The following BANK1 variants were observed in gnomAD, a reference collection of about 807,000 sequenced individuals.
BANK1 encodes the protein B-cell scaffold protein with ankyrin repeats.
BANK1 carries 95 observed loss-of-function variants against 94.5 expected under a neutral mutation model. The observed-to-expected ratio is 1.00, with a 90% CI of 0.85 to 1.19. BANK1 has a LOEUF of 1.19. Ranked by LOEUF, BANK1 falls within the 50% of genes most tolerant of loss-of-function variation. BANK1 has a pLI of 0.00. For missense variants in BANK1, 987 were observed against 932.2 expected (o/e 1.06, Z -0.77); for synonymous variants, 334 against 308.4 (o/e 1.08, Z -0.87).
At chr4:101,931,924 T>A (rs1723362067) in intron 7 of BANK1, among the ~76,000 whole-genome samples, 1 of 151,380 alleles carries the variant, frequency 6.6e-6, no homozygotes, top group African/African-American at 2.4e-5. Context: ...TAAAAATCCA[T>A]AACAATTCAG....
intron 4 of BANK1, among the ~76,000 whole-genome samples, chr4:101,866,631 G>GTGGAGTAAAATATTTTAAGTATTGT (rs1728077020): frequency 1.3e-4 from 8 of 60,258 alleles, no homozygotes; most frequent in African/African-American, 6.8e-4. Flanking sequence ...AATGAGTATA[G>GTGGAGTAAAATATTTTAAGTATTGT]GAATACCATT....
At chr4:101,792,467 GT>G (rs1725026623) in intron 1 of BANK1, among the ~76,000 whole-genome samples, 1 of 94,326 alleles carries the variant, frequency 1.1e-5, no homozygotes, top group Non-Finnish European at 2.2e-5. Context: ...GTGTGTGTGT[GT>G]GTTTTTTTTT....
intron 7 of BANK1, among the ~76,000 whole-genome samples, chr4:101,961,367 T>G (rs1487247056): frequency 2.0e-5 from 3 of 152,188 alleles, no homozygotes; most frequent in African/African-American, 7.2e-5. Flanking sequence ...AGTTGCATCC[T>G]TATTAGCTTA....
chr4:101,975,831 A>G (rs1283118197), intron 7 of BANK1, among the ~76,000 whole-genome samples: 1 of 152,168 alleles, frequency 6.6e-6, no homozygotes, highest in Non-Finnish European at 1.5e-5. Context: ...GAATAAATAA[A>G]TGAATATTCA....
At chr4:101,857,006 A>G (rs548813959) in intron 3 of BANK1, among the ~76,000 whole-genome samples, 8 of 152,248 alleles carry the variant, frequency 5.3e-5, no homozygotes, top group Middle Eastern at 3.4e-3. Context: ...ATTGCCAACC[A>G]CCAGAGAAAA....
intron 6 of BANK1, among the ~76,000 whole-genome samples, chr4:101,909,117 T>C (rs556054882): frequency 1.3e-5 from 2 of 151,752 alleles, no homozygotes; most frequent in East Asian, 1.9e-4. Context: ...CGTATGCTTA[T>C]TGCAGCAAAG....
chr4:101,871,735 T>C lies in BANK1; in HGVS notation c.903+1091T>C, dbSNP rs556832752. On this transcript the variant is annotated intron_variant, in intron 5 of 16. Coordinates refer to ENST00000322953, the MANE Select transcript of BANK1 (RefSeq NM_017935.5). ...TTCTTGTGACAAGTCCACCTTATCC[T>C]CTACTTAAAAATTATATTCATAACA... Among the ~76,000 whole-genome samples, 4 of 152,288 alleles carry C rather than the reference T, an allele frequency of 2.6e-5. No homozygotes were observed. In the South Asian group the frequency reaches 8.3e-4, roughly 32 times the overall value.
At position 102,021,630 on chromosome 4, in the gene BANK1, C is replaced by CAT. The variant is rs1351178290; in HGVS notation, c.1285+47_1285+48dup. On this transcript the variant is annotated intron_variant, in intron 8 of 16. Transcript: ENST00000322953. ...ATGTTATATATATATATGACATATT[C>CAT]ATATATATATCACATATATATGTGA... is the stretch of plus-strand genomic sequence containing the variant. 9.6e-6 allele frequency: 8 copies of CAT among 835,174 alleles called. No individual in the cohort carries two copies. The Admixed American group carries it at 9.9e-5, about 10-fold the overall frequency. 51.7% of individuals were successfully genotyped at this position (835,174 alleles called of 1,614,324 possible).
At chr4:102,064,984 A>G (rs1728543979) in intron 13 of BANK1, among the ~76,000 whole-genome samples, 1 of 152,216 alleles carries the variant, frequency 6.6e-6, no homozygotes, top group Non-Finnish European at 1.5e-5. Context: ...GAAGGATTCC[A>G]CAAGTCTGTG....
intron 6 of BANK1, among the ~76,000 whole-genome samples, chr4:101,907,285 C>T (rs1041905811): frequency 6.6e-6 from 1 of 152,196 alleles, no homozygotes; most frequent in Admixed American, 6.5e-5. Context: ...AGCATATAAA[C>T]AGAACCAAAG....
intron 6 of BANK1, among the ~76,000 whole-genome samples, chr4:101,899,505 T>C (rs543144838): frequency 1.3e-5 from 2 of 152,248 alleles, no homozygotes; most frequent in South Asian, 2.1e-4. Flanking sequence ...TAATACAAAA[T>C]AAAACAGCCA....
intron 1 of BANK1, among the ~76,000 whole-genome samples, chr4:101,811,758 C>A (rs770655501): frequency 2.8e-4 from 42 of 152,170 alleles, no homozygotes; most frequent in Non-Finnish European, 5.2e-4. Context: ...GATTTATTGA[C>A]ACTTTCCTTC....
At chr4:101,908,776 A>C (rs568821175) in intron 6 of BANK1, among the ~76,000 whole-genome samples, 5 of 152,178 alleles carry the variant, frequency 3.3e-5, no homozygotes, top group Non-Finnish European at 4.4e-5. Flanking sequence ...CAAAAGAAGA[A>C]ATTTATGCAG....
chr4:102,013,151 T>C (rs937421941), intron 7 of BANK1, among the ~76,000 whole-genome samples: 2 of 152,132 alleles, frequency 1.3e-5, no homozygotes, highest in African/African-American at 2.4e-5. Context: ...CCCGTTGTTA[T>C]AGGGATAGAA....
rs1725392768 is a variant in BANK1 at position 101,983,713 on chromosome 4, G to A, written c.1207-37801G>A. On this transcript the variant is annotated intron_variant, in intron 7 of 16. Coordinates refer to ENST00000322953, the MANE Select transcript of BANK1 (RefSeq NM_017935.5). ...TCCTATCACAAAGGATTTTTTGGAAGAAGGGAGAAAAGATGTTCCAGATAT... is the reference window on the plus strand; with the variant it reads ...TCCTATCACAAAGGATTTTTTGGAAAAAGGGAGAAAAGATGTTCCAGATAT... Among the ~76,000 whole-genome samples the A allele has an allele frequency of 3.9e-5, 6 of 152,140 alleles. No individual in the cohort carries two copies. The South Asian group carries it at 1.2e-3, about 32-fold the overall frequency.
At position 101,960,859 on chromosome 4, in the gene BANK1, A is replaced by G. The variant is rs147865947; in HGVS notation, c.1206+42670A>G. Among the ~76,000 whole-genome samples, 16 of 152,320 alleles carry G rather than the reference A, an allele frequency of 1.1e-4. No individual in the cohort carries two copies. In the East Asian group the frequency reaches 2.9e-3, roughly 28 times the overall value. Reference sequence around the variant, plus strand: ...CAGGATTTTTAGCTCCGCCTCTTCTACTAACAAGTTCTCTGATTCTAGGTA... The same window carrying G: ...CAGGATTTTTAGCTCCGCCTCTTCTGCTAACAAGTTCTCTGATTCTAGGTA... On this transcript the variant is annotated intron_variant, in intron 7 of 16. Transcript: ENST00000322953.
At chr4:102,045,670 C>T (rs1727854721) in intron 11 of BANK1, among the ~76,000 whole-genome samples, 1 of 151,870 alleles carries the variant, frequency 6.6e-6, no homozygotes, top group Admixed American at 6.6e-5. Flanking sequence ...AGAGCCAAAT[C>T]ATGAGTGAAC....
intron 6 of BANK1, among the ~76,000 whole-genome samples, chr4:101,917,480 T>C (rs1452500560): frequency 6.6e-6 from 1 of 151,962 alleles, no homozygotes. Flanking sequence ...ATGAAAGCAC[T>C]CACCTGTATT....
intron 1 of BANK1, among the ~76,000 whole-genome samples, chr4:101,820,844 G>C (rs929484217): frequency 1.3e-5 from 2 of 152,166 alleles, no homozygotes; most frequent in Non-Finnish European, 2.9e-5. Flanking sequence ...TGGTGTGTAT[G>C]TACCACATTC....
Sources: gnomAD v4.1 joint callset for allele counts (sites outside exome capture counted in the v4.1 genomes callset) on GRCh38, gnomAD v4.1.1 for gene constraint, MANE v1.5 for transcripts, NCBI Gene and HGNC (gene_info 2026-07-23, HGNC 2026-07-21) for gene names.